UNC13C: variants seen among roughly 807,000 people sequenced by gnomAD.
UNC13C encodes the protein unc-13 homolog C.
A neutral mutation model predicts 245.4 loss-of-function variants in UNC13C; 174 were observed. That is an observed-to-expected ratio of 0.71 (90% CI 0.63 to 0.80). The LOEUF is 0.80. Ranked by LOEUF, UNC13C falls within the 30% of genes least tolerant of loss-of-function variation. The pLI, the probability that UNC13C is intolerant of heterozygous loss-of-function variation, is 0.00. For synonymous variants in UNC13C, 992 were observed against 895.1 expected (o/e 1.11, Z -1.93); for missense variants, 2,829 against 2,602.9 (o/e 1.09, Z -1.89).
chr15:54,200,005 G>T (rs188833092), intron 4 of UNC13C, among the ~76,000 whole-genome samples: 4 of 151,938 alleles, frequency 2.6e-5, no homozygotes, highest in Non-Finnish European at 1.5e-5. Flanking sequence ...CCATGCAAAT[G>T]GACACCAAAA....
chr15:54,603,759 G>A (rs1241551354), intron 30 of UNC13C, among the ~76,000 whole-genome samples: 1 of 152,146 alleles, frequency 6.6e-6, no homozygotes, highest in African/African-American at 2.4e-5. Flanking sequence ...AGCTACTTGG[G>A]AGGCTGAGGC....
rs754812529 is a variant in UNC13C at position 54,250,357 on chromosome 15, A to G, written c.3361A>G (p.Ile1121Val). 1.9e-5 allele frequency: 30 copies of G among 1,613,832 alleles called. No homozygotes were observed. The highest frequency in any genetic ancestry group is 2.5e-5 in the Non-Finnish European group (29 of 1,179,878). The change falls in exon 8 of 33, where the codon ATT becomes GTT. Residue 1121 changes from isoleucine (I) to valine (V), a missense_variant. Physicochemically the swap from Ile to Val is conservative, Grantham distance 29 (BLOSUM62 3). Transcript: ENST00000260323. ...CYECEGLLWG[I>V]ARQGMKCLEC... ...TGAGTGTGAAGGGCTCCTGTGGGGCATTGCAAGGCAAGGCATGAAGTGTCT... is the reference window on the plus strand; with the variant it reads ...TGAGTGTGAAGGGCTCCTGTGGGGCGTTGCAAGGCAAGGCATGAAGTGTCT...
chr15:54,320,428 A>G (rs2038120983), intron 13 of UNC13C, among the ~76,000 whole-genome samples: 1 of 151,042 alleles, frequency 6.6e-6, no homozygotes, highest in South Asian at 2.1e-4. Context: ...TCATGATCAA[A>G]CTATTACATT....
At chr15:54,253,611 A>G (rs1477356323) in intron 8 of UNC13C, among the ~76,000 whole-genome samples, 1 of 152,150 alleles carries the variant, frequency 6.6e-6, no homozygotes, top group Non-Finnish European at 1.5e-5. Context: ...TGGAAAAAGC[A>G]TTTGGTGGTG....
At chr15:54,110,713 G>T (rs372876992) in intron 2 of UNC13C, among the ~76,000 whole-genome samples, 39 of 151,846 alleles carry the variant, frequency 2.6e-4, no homozygotes, top group South Asian at 6.3e-4. Context: ...ATCAAAGTTG[G>T]TTTTTTTTGT....
chr15:54,453,705 T>C (rs1471247597), intron 19 of UNC13C, among the ~76,000 whole-genome samples: 2 of 152,240 alleles, frequency 1.3e-5, no homozygotes, highest in Non-Finnish European at 2.9e-5. Flanking sequence ...TTCTGATGTT[T>C]TCAACAGTGT....
intron 28 of UNC13C, among the ~76,000 whole-genome samples, chr15:54,554,146 A>G (rs954091238): frequency 6.6e-6 from 1 of 152,054 alleles, no homozygotes; most frequent in East Asian, 1.9e-4. Context: ...TGAAGGAAGT[A>G]CAATCCAATT....
chr15:54,118,512 G>T (rs1336351362), intron 2 of UNC13C, among the ~76,000 whole-genome samples: 1 of 152,078 alleles, frequency 6.6e-6, no homozygotes, highest in Non-Finnish European at 1.5e-5. Context: ...ACCTGCAACT[G>T]TACTGAATTC....
the UNC13C span, among the ~76,000 whole-genome samples, chr15:53,917,220 T>C: frequency 1.3e-5 from 2 of 152,220 alleles, no homozygotes; most frequent in Admixed American, 6.5e-5. Flanking sequence ...ACTTCCAGAA[T>C]GGAAGAAGTG....
At chr15:53,873,327 C>A in the UNC13C span, among the ~76,000 whole-genome samples, 1 of 152,064 alleles carries the variant, frequency 6.6e-6, no homozygotes, top group Non-Finnish European at 1.5e-5. Context: ...CTCTTCTCAT[C>A]CTGTCTCATT....
At chr15:53,960,497 G>A in the UNC13C span, among the ~76,000 whole-genome samples, 1 of 151,888 alleles carries the variant, frequency 6.6e-6, no homozygotes, top group African/African-American at 2.4e-5. Context: ...AAAAGCTTTT[G>A]AAATAAGTTC....
chr15:54,408,010 G>GCT (rs2040333603), intron 18 of UNC13C, among the ~76,000 whole-genome samples: 2 of 151,616 alleles, frequency 1.3e-5, no homozygotes, highest in Non-Finnish European at 2.9e-5. Flanking sequence ...GACCATCCTG[G>GCT]TGAACACGGT....
intron 19 of UNC13C, among the ~76,000 whole-genome samples, chr15:54,436,992 C>G (rs947300745): frequency 2.0e-5 from 3 of 150,626 alleles, no homozygotes; most frequent in Non-Finnish European, 3.0e-5. Context: ...TAACACTGAC[C>G]CTGTTAGCCC....
At chr15:54,406,499 G>A (rs1410310842) in intron 18 of UNC13C, among the ~76,000 whole-genome samples, 2 of 152,158 alleles carry the variant, frequency 1.3e-5, no homozygotes, top group Non-Finnish European at 2.9e-5. Flanking sequence ...TTGCCAAGGT[G>A]CCATATTTTG....
chr15:54,280,683 C>T (rs536148391), intron 10 of UNC13C, among the ~76,000 whole-genome samples: 13,846 of 89,024 alleles, frequency 0.16, 783 homozygotes, highest in African/African-American at 0.25. Context: ...TACATATATA[C>T]ATATATAAAC....
intron 4 of UNC13C, among the ~76,000 whole-genome samples, chr15:54,184,521 G>C (rs1351199165): frequency 6.6e-6 from 1 of 152,000 alleles, no homozygotes; most frequent in Admixed American, 6.6e-5. Flanking sequence ...TGCAGTGTTT[G>C]GTTTTTTGTC....
chr15:54,553,292 T>G (rs1363989626), intron 28 of UNC13C, among the ~76,000 whole-genome samples: 1 of 117,098 alleles, frequency 8.5e-6, no homozygotes, highest in African/African-American at 3.3e-5. Context: ...ATATTATATA[T>G]TGTATTCTAT....
chr15:54,436,661 C>T lies in UNC13C; in HGVS notation c.4933+21594C>T, dbSNP rs191240967. Among the ~76,000 whole-genome samples the T allele has an allele frequency of 6.6e-5, 10 of 151,706 alleles. No homozygotes were observed. In the Middle Eastern group the frequency reaches 0.017, roughly 260 times the overall value. The stretch of plus-strand genomic sequence containing the variant: ...GGGAACATCACACACCAGGGCCTGT[C>T]GAGGGTTGGGGGTCAAGGGGAAGAA... On this transcript the variant is annotated intron_variant, in intron 19 of 32. Coordinates refer to ENST00000260323, the MANE Select transcript of UNC13C (RefSeq NM_001080534.3).
intron 30 of UNC13C, among the ~76,000 whole-genome samples, chr15:54,614,965 C>T (rs891601330): frequency 5.9e-5 from 9 of 152,026 alleles, no homozygotes; most frequent in African/African-American, 2.2e-4. Flanking sequence ...AAGATAGTAT[C>T]TTTTTCTTGT....
Sources: allele counts gnomAD v4.1 joint callset (sites outside exome capture counted in the v4.1 genomes callset), GRCh38; gene constraint gnomAD v4.1.1; transcripts MANE v1.5; gene names NCBI Gene and HGNC (gene_info 2026-07-23, HGNC 2026-07-21).